KCNQ2: variants seen among roughly 807,000 people sequenced by gnomAD.
The protein encoded by KCNQ2 is potassium voltage-gated channel subfamily KQT member 2.
A neutral mutation model predicts 84.8 loss-of-function variants in KCNQ2; 14 were observed. The observed-to-expected ratio is 0.17, with a 90% CI of 0.11 to 0.26. KCNQ2 has a LOEUF of 0.26. Among genes scored for constraint, KCNQ2 ranks in the 10% least tolerant of loss-of-function variants. The pLI, the probability that KCNQ2 is intolerant of heterozygous loss-of-function variation, is 1.00. For synonymous variants in KCNQ2, 599 were observed against 554.1 expected (o/e 1.08, Z -1.14); for missense variants, 788 against 1,254.0 (o/e 0.63, Z 5.61).
At chr20:63,419,226 G>A (rs567600974) in intron 12 of KCNQ2, among the ~76,000 whole-genome samples, 25 of 152,014 alleles carry the variant, frequency 1.6e-4, no homozygotes, top group Non-Finnish European at 2.9e-4. Flanking sequence ...GCTGCCTCCC[G>A]CGGTCGAGGC....
Position 63,436,076 on chromosome 20 carries a change from C to T in KCNQ2, c.1024-2173G>A, listed in dbSNP as rs1028069831. ...ACAAGGAATGAGAACATTATATAAACTTAGTTGATACAGCAGTGGCAGCAT... is the reference window on the plus strand; with the variant it reads ...ACAAGGAATGAGAACATTATATAAATTTAGTTGATACAGCAGTGGCAGCAT... On this transcript the variant is annotated intron_variant, in intron 7 of 16. Coordinates refer to ENST00000359125, the MANE Select transcript of KCNQ2 (RefSeq NM_172107.4). Among the ~76,000 whole-genome samples the T allele has an allele frequency of 1.9e-4, 28 of 148,230 alleles. 1 individual carries two copies.
intron 11 of KCNQ2, chr20:63,423,743 C>G (rs922565655): frequency 1.4e-5 from 3 of 219,630 alleles, no homozygotes; most frequent in African/African-American, 6.9e-5. Flanking sequence ...CACTCTGGAC[C>G]CAGAGCAGCG....
intron 1 of KCNQ2, chr20:63,471,765 T>A (rs2082221571): frequency 1.7e-5 from 3 of 173,896 alleles, no homozygotes; most frequent in Non-Finnish European, 2.4e-5. Flanking sequence ...CGCCCTCGCT[T>A]GGTCGGGCGG....
intron 1 of KCNQ2, among the ~76,000 whole-genome samples, chr20:63,452,577 T>C (rs181157638): frequency 2.0e-5 from 3 of 151,858 alleles, no homozygotes; most frequent in Non-Finnish European, 4.4e-5. Context: ...GTATACAGAG[T>C]GTATGCATAC....
At position 63,446,918 on chromosome 20, in the gene KCNQ2, C is replaced by T. The variant is rs2081445872; in HGVS notation, c.297-81G>A. On this transcript the variant is annotated intron_variant, in intron 1 of 16. Transcript: ENST00000359125. The surrounding 1 kb of genome is among the most constrained non-coding windows in gnomAD (Gnocchi z 5.5). ...TGTGTCTCCAGAACTCAGGACCCCA[C>T]TCCCCACCAGGCCGCAGCAGGGCAC... The T allele has an allele frequency of 1.6e-6, 2 of 1,255,386 alleles. No homozygotes were observed. The highest frequency in any genetic ancestry group is 1.9e-4 in the Middle Eastern group (1 of 5,202). 77.8% of individuals were successfully genotyped at this position (1,255,386 alleles called of 1,614,324 possible).
chr20:63,409,387 CAAT>C (rs934291793), intron 15 of KCNQ2, among the ~76,000 whole-genome samples: 1 of 152,216 alleles, frequency 6.6e-6, no homozygotes, highest in Non-Finnish European at 1.5e-5. Context: ...TCACTCATGA[CAAT>C]AAGAAGGGAG....
At chr20:63,426,912 CA>C (rs2080650399) in intron 10 of KCNQ2, among the ~76,000 whole-genome samples, 1 of 152,180 alleles carries the variant, frequency 6.6e-6, no homozygotes, top group African/African-American at 2.4e-5. Flanking sequence ...CAAAAAGTCC[CA>C]AATTTCATCA....
chr20:63,429,601 C>G (rs1209538170), intron 9 of KCNQ2, among the ~76,000 whole-genome samples: 4 of 152,236 alleles, frequency 2.6e-5, no homozygotes, highest in East Asian at 1.9e-4. Flanking sequence ...CCCAGGCTTA[C>G]TTGGTCCTCC....
chr20:63,408,586 G>A lies in KCNQ2; in HGVS notation c.1764-50C>T. The A allele has an allele frequency of 6.3e-7, 1 of 1,599,854 alleles. No homozygotes were observed. The highest frequency in any genetic ancestry group is 8.5e-7 in the Non-Finnish European group (1 of 1,175,544). ...CATGAGTTCGGGTGGGTGCAGCAGG[G>A]CCCCTGCCCTCTCCTCCTGGACCAG... On this transcript the variant is annotated intron_variant, in intron 15 of 16. Coordinates refer to ENST00000359125, the MANE Select transcript of KCNQ2 (RefSeq NM_172107.4). The surrounding 1 kb of genome is among the most constrained non-coding windows in gnomAD (Gnocchi z 5.0).
In KCNQ2 at chr20:63,438,513, CT is replaced by C; in HGVS notation, c.1023+111del. On this transcript the variant is annotated intron_variant, in intron 7 of 16. Transcript: ENST00000359125. This position sits in a 1 kb window ranked among gnomAD's most constrained non-coding sequence, Gnocchi z 5.1. Reference sequence around the variant, plus strand: ...CACAGATTCCTGCAGAGGGTGAGCGCTGTGGCCCATCCACAGACAGGGCAAT... The same window carrying C: ...CACAGATTCCTGCAGAGGGTGAGCGCGTGGCCCATCCACAGACAGGGCAAT... 4.6e-6 allele frequency: 4 copies of C among 870,798 alleles called. No individual in the cohort carries two copies. Among genetic ancestry groups the C allele is most frequent in the Non-Finnish European group, 7.7e-6 (4 of 516,320 alleles). The allele number at this position is 870,798 out of a possible 1,614,324, so 53.9% of individuals were successfully genotyped here. A position where few individuals can be genotyped will look rare whatever the true frequency, so the allele number is the denominator to read the frequency against.
rs1568935393 is a variant in KCNQ2 at position 63,442,959 on chromosome 20, TCAC to T, written c.691-431_691-429del. ...ACCACCACCATCACCATCATCACCA[TCAC>T]CACCACCACCACCATCACCACCATT... On this transcript the variant is annotated intron_variant, in intron 4 of 16. Transcript: ENST00000359125. 8.2e-3 allele frequency among the ~76,000 whole-genome samples: 187 copies of T among 22,840 alleles called. 1 individual carries two copies. The highest frequency in any genetic ancestry group is 0.019 in the East Asian group (12 of 622). The allele number at this position is 22,840 out of a possible 152,430, so 15.0% of individuals were successfully genotyped here. A position where few individuals can be genotyped will look rare whatever the true frequency, so the allele number is the denominator to read the frequency against.
chr20:63,431,398 G>A, intron 8 of KCNQ2, 29 bp from the exon 9 acceptor site: 1 of 1,612,548 alleles, frequency 6.2e-7, no homozygotes. Flanking sequence ...CACACAAAGG[G>A]AAAAGAACGG....
chr20:63,462,736 A>C (rs1197481799), intron 1 of KCNQ2, among the ~76,000 whole-genome samples: 6 of 152,206 alleles, frequency 3.9e-5, no homozygotes, highest in Non-Finnish European at 5.9e-5. Context: ...TGCAGCGGCA[A>C]AGTCCTAGCA....
chr20:63,449,816 C>T (rs1461407971), intron 1 of KCNQ2, among the ~76,000 whole-genome samples: 1 of 151,836 alleles, frequency 6.6e-6, no homozygotes, highest in East Asian at 1.9e-4. Context: ...AGGGCCAGGC[C>T]ATCCGGGCAC....
intron 1 of KCNQ2, among the ~76,000 whole-genome samples, chr20:63,458,117 C>T (rs997008957): frequency 6.6e-5 from 10 of 152,068 alleles, no homozygotes; most frequent in African/African-American, 2.2e-4. Context: ...TCCCTGGGCT[C>T]GCAGCCCCTG....
chr20:63,431,455 G>T (rs1186833721), intron 8 of KCNQ2, 86 bp from the exon 9 acceptor site: 29 of 1,418,240 alleles, frequency 2.0e-5, no homozygotes, highest in Non-Finnish European at 2.8e-5. Flanking sequence ...GAAACAAATA[G>T]TTGAGGAAAG....
intron 1 of KCNQ2, among the ~76,000 whole-genome samples, chr20:63,470,349 G>A (rs540054456): frequency 6.6e-5 from 10 of 152,326 alleles, no homozygotes; most frequent in Middle Eastern, 6.8e-3. Flanking sequence ...TGAAGCCCCC[G>A]CATGCTGCTG....
chr20:63,462,530 CT>C (rs2081983834), intron 1 of KCNQ2, among the ~76,000 whole-genome samples: 1 of 152,224 alleles, frequency 6.6e-6, no homozygotes, highest in Non-Finnish European at 1.5e-5. Context: ...CTGCACACAC[CT>C]TCTGTCTCCA....
At chr20:63,428,761 G>A (rs1234061683) in intron 9 of KCNQ2, among the ~76,000 whole-genome samples, 1 of 152,168 alleles carries the variant, frequency 6.6e-6, no homozygotes, top group Non-Finnish European at 1.5e-5. Flanking sequence ...GGGCGCGCAG[G>A]TAGGGGGAGG....
Sources: allele counts gnomAD v4.1 joint callset (sites outside exome capture counted in the v4.1 genomes callset), GRCh38; gene constraint gnomAD v4.1.1; non-coding constraint Gnocchi (gnomAD v3.1); transcripts MANE v1.5; gene names NCBI Gene and HGNC (gene_info 2026-07-23, HGNC 2026-07-21).